TRDN: variants seen among roughly 807,000 people sequenced by gnomAD.
TRDN encodes triadin, also known as triadin in skeletal muscle.
TRDN carries 161 observed loss-of-function variants against 149.7 expected under a neutral mutation model. The ratio of observed to expected loss-of-function variants is 1.08; its 90% CI spans 0.95 to 1.23. The LOEUF (loss-of-function observed/expected upper bound fraction) is 1.23, where lower values mean the gene tolerates loss of function less well. Among genes scored for constraint, TRDN ranks in the 50% most tolerant of loss-of-function variants. TRDN has a pLI of 0.00. For missense variants in TRDN, 896 were observed against 823.5 expected (o/e 1.09, Z -1.08); for synonymous variants, 294 against 250.5 (o/e 1.17, Z -1.64).
At chr6:123,268,999 A>C (rs1406878859) in intron 31 of TRDN, among the ~76,000 whole-genome samples, 1 of 151,976 alleles carries the variant, frequency 6.6e-6, no homozygotes, top group Non-Finnish European at 1.5e-5. Context: ...AAGCTGTGTC[A>C]CACGTTCACC....
At chr6:123,218,993 G>A (rs1775044359) in intron 40 of TRDN, among the ~76,000 whole-genome samples, 1 of 152,042 alleles carries the variant, frequency 6.6e-6, no homozygotes, top group South Asian at 2.1e-4. Flanking sequence ...TTCCTGGTAT[G>A]TAATAAGCCT....
rs777918334 is a variant in TRDN, at chr6:123,548,479, A to T, written c.366T>A (p.Asp122Glu). 1.3e-6 allele frequency: 2 copies of T among 1,573,848 alleles called. No individual in the cohort carries two copies. The highest frequency in any genetic ancestry group is 1.7e-6 in the Non-Finnish European group (2 of 1,160,934). ...CTTTATCAGTATCTTCGTCACCATCATCATCTTCTTCATCTTCAGATGAGA... is the reference window on the plus strand; with the variant it reads ...CTTTATCAGTATCTTCGTCACCATCTTCATCTTCTTCATCTTCAGATGAGA... ...DIISSEDEED[D>E]DGDEDTDKGE... The change falls in exon 3 of 41, where the codon GAT (aspartate) becomes GAA (glutamate). Residue 122 changes from aspartate to glutamate, a missense_variant. Transcript: ENST00000334268.
intron 2 of TRDN, among the ~76,000 whole-genome samples, chr6:123,563,349 G>A (rs1200871779): frequency 6.6e-6 from 1 of 152,072 alleles, no homozygotes; most frequent in African/African-American, 2.4e-5. Context: ...ATATTTCAAA[G>A]CAAAATAAAA....
chr6:123,622,943 T>C (rs1270627652), intron 1 of TRDN, among the ~76,000 whole-genome samples: 2 of 152,146 alleles, frequency 1.3e-5, no homozygotes, highest in African/African-American at 4.8e-5. Context: ...ATTTAGCTTG[T>C]GTAAAACTCT....
At chr6:123,588,618 A>G (rs1783630268) in intron 1 of TRDN, among the ~76,000 whole-genome samples, 1 of 152,210 alleles carries the variant, frequency 6.6e-6, no homozygotes, top group African/African-American at 2.4e-5. Flanking sequence ...GGCTGCCATA[A>G]CAAAATACTA....
chr6:123,284,914 T>C (rs1227081577), intron 24 of TRDN, among the ~76,000 whole-genome samples: 1 of 151,930 alleles, frequency 6.6e-6, no homozygotes, highest in African/African-American at 2.4e-5. Context: ...TCTTTTACAA[T>C]AGCTGCAAAA....
intron 26 of TRDN, among the ~76,000 whole-genome samples, chr6:123,278,002 G>A (rs1323067044): frequency 6.6e-6 from 1 of 152,180 alleles, no homozygotes; most frequent in Non-Finnish European, 1.5e-5. Flanking sequence ...AGAAGGATGA[G>A]AGCAGATGTT....
rs113586731 is a variant in TRDN, at chr6:123,610,455, T to C, written c.22+26299A>G. 1.2e-3 allele frequency among the ~76,000 whole-genome samples: 176 copies of C among 152,334 alleles called. 1 individual carries two copies. The highest frequency in any genetic ancestry group is 4.1e-3 in the African/African-American group (171 of 41,588). On this transcript the variant is annotated intron_variant, in intron 1 of 40. Coordinates refer to ENST00000334268, the MANE Select transcript of TRDN (RefSeq NM_006073.4). Reference sequence around the variant, plus strand: ...GTTCATTCACTCTGCAATGATTTACTGAATGCCTTCTATGTACCAAGCACT... The same window carrying C: ...GTTCATTCACTCTGCAATGATTTACCGAATGCCTTCTATGTACCAAGCACT...
intron 12 of TRDN, among the ~76,000 whole-genome samples, chr6:123,426,348 G>A (rs933742932): frequency 2.0e-5 from 3 of 152,112 alleles, no homozygotes; most frequent in Non-Finnish European, 2.9e-5. Flanking sequence ...GAACTATTAG[G>A]ATTCTATTTC....
chr6:123,571,986 T>G (rs1782605120), intron 1 of TRDN, among the ~76,000 whole-genome samples: 1 of 152,128 alleles, frequency 6.6e-6, no homozygotes, highest in Admixed American at 6.5e-5. Context: ...GTCCTAAATA[T>G]AGAATTCCTG....
At chr6:123,453,576 A>G (rs1442848253) in intron 10 of TRDN, among the ~76,000 whole-genome samples, 1 of 150,278 alleles carries the variant, frequency 6.7e-6, no homozygotes, top group Non-Finnish European at 1.5e-5. Flanking sequence ...TTACTCCTGC[A>G]AGAATGGCCA....
At position 123,610,420 on chromosome 6, in the gene TRDN, G is replaced by C. The variant is rs142117106; in HGVS notation, c.22+26334C>G. On this transcript the variant is annotated intron_variant, in intron 1 of 40. Coordinates refer to ENST00000334268, the MANE Select transcript of TRDN (RefSeq NM_006073.4). ...GAGTTACTGATGACTCTCATTCCAT[G>C]TCGCTATGTGTTCATTCACTCTGCA... 4.4e-3 allele frequency among the ~76,000 whole-genome samples: 664 copies of C among 152,192 alleles called. 3 individuals are homozygous for C. Among genetic ancestry groups the C allele is most frequent in the African/African-American group, 0.014 (600 of 41,528 alleles).
chr6:123,360,808 C>G (rs1780872652), intron 20 of TRDN, among the ~76,000 whole-genome samples: 1 of 151,460 alleles, frequency 6.6e-6, no homozygotes, highest in Non-Finnish European at 1.5e-5. Flanking sequence ...AAAACATTTC[C>G]AAGATGAGGA....
Position 123,555,036 on chromosome 6 carries a change from T to G in TRDN, c.233-6424A>C, listed in dbSNP as rs7341367. 7.9e-3 allele frequency among the ~76,000 whole-genome samples: 1,209 copies of G among 152,286 alleles called. 13 individuals carry two copies. The highest frequency in any genetic ancestry group is 0.028 in the African/African-American group (1,153 of 41,580). On this transcript the variant is annotated intron_variant, in intron 2 of 40. Transcript: ENST00000334268. ...TCTGAGACTTTGGGTCCTGGAGTTT[T>G]CAGCATCAACAATACTAGGCACAGG...
chr6:123,486,645 A>C (rs1777985023), intron 9 of TRDN, among the ~76,000 whole-genome samples: 1 of 151,970 alleles, frequency 6.6e-6, no homozygotes, highest in South Asian at 2.1e-4. Context: ...CTACAACTAT[A>C]GGCATTAATC....
intron 6 of TRDN, among the ~76,000 whole-genome samples, chr6:123,515,109 A>T (rs1779356623): frequency 6.6e-6 from 1 of 152,082 alleles, no homozygotes; most frequent in African/African-American, 2.4e-5. Flanking sequence ...AGAAAAACTA[A>T]GAAAACATGA....
intron 4 of TRDN, among the ~76,000 whole-genome samples, chr6:123,542,091 C>T (rs1780864784): frequency 6.6e-6 from 1 of 152,186 alleles, no homozygotes; most frequent in South Asian, 2.1e-4. Context: ...CTCTTTTCAA[C>T]TTGCAGAGCT....
At chr6:123,335,445 G>A (rs1035512414) in intron 22 of TRDN, among the ~76,000 whole-genome samples, 10 of 151,670 alleles carry the variant, frequency 6.6e-5, no homozygotes, top group African/African-American at 1.7e-4. Flanking sequence ...GGAAAATTAC[G>A]TATATAAGGT....
intron 1 of TRDN, among the ~76,000 whole-genome samples, chr6:123,626,902 T>A (rs34879835): frequency 0.38 from 57,201 of 151,240 alleles, 11,602 homozygotes; most frequent in East Asian, 0.6. Context: ...ATGTTTTTTT[T>A]AATTTTTTAT....
Sources: allele counts gnomAD v4.1 joint callset (sites outside exome capture counted in the v4.1 genomes callset), GRCh38; gene constraint gnomAD v4.1.1; transcripts MANE v1.5; gene names NCBI Gene and HGNC (gene_info 2026-07-23, HGNC 2026-07-21).